UBE2O: variants seen among roughly 807,000 people sequenced by gnomAD.
UBE2O encodes (E3-independent) E2 ubiquitin-conjugating enzyme.
UBE2O carries 15 observed loss-of-function variants against 125.8 expected under a neutral mutation model. The observed-to-expected ratio is 0.12, with a 90% CI of 0.08 to 0.18. The LOEUF is 0.18. UBE2O is among the 10% of genes least tolerant of loss of function. UBE2O has a pLI of 1.00. For missense variants in UBE2O, 1,280 were observed against 1,723.6 expected, an observed-to-expected ratio of 0.74 and a Z score of 4.56; for synonymous variants, 708 against 703.2, an observed-to-expected ratio of 1.01 and a Z score of -0.11.
At chr17:76,408,733 C>T (rs1733701355) in intron 1 of UBE2O, among the ~76,000 whole-genome samples, 1 of 152,210 alleles carries the variant, frequency 6.6e-6, no homozygotes, top group South Asian at 2.1e-4. Flanking sequence ...GCCAGCCGGC[C>T]TGGCAGGTGA....
rs777847984 is a variant in UBE2O, at chr17:76,396,752, C to T, written c.2185G>A (p.Ala729Thr). 5.0e-6 allele frequency: 8 copies of T among 1,613,606 alleles called. No homozygotes were observed. The South Asian group carries it at 7.7e-5, about 16-fold the overall frequency. The change falls in exon 14 of 18, where the codon GCA becomes ACA. Residue 729 changes from alanine (A) to threonine (T), a missense_variant. Physicochemically the swap from Ala to Thr is moderately conservative, Grantham distance 58. Transcript: ENST00000319380. This position sits in a 1 kb window ranked among gnomAD's most constrained non-coding sequence, Gnocchi z 6.7. Reference protein sequence around the residue: ...YDSVEGSTSGASSDEWEDDSD... With the variant: ...YDSVEGSTSGTSSDEWEDDSD... The stretch of plus-strand genomic sequence containing the variant: ...TCATCTTCCCATTCATCCGAGGATG[C>T]CCCGCTGGTGCTGCCTTCTACCGAA...
At chr17:76,408,131 G>A (rs564918605) in intron 1 of UBE2O, among the ~76,000 whole-genome samples, 15 of 152,260 alleles carry the variant, frequency 9.9e-5, no homozygotes, top group South Asian at 2.1e-4. Flanking sequence ...TCCCATCTGT[G>A]AGCCACTCCA....
intron 1 of UBE2O, among the ~76,000 whole-genome samples, chr17:76,438,239 A>G (rs759786146): frequency 6.6e-6 from 1 of 152,180 alleles, no homozygotes; most frequent in Non-Finnish European, 1.5e-5. Flanking sequence ...GGAATGATGA[A>G]AAGTTCTGGG....
chr17:76,408,985 T>C (rs2072470655), intron 1 of UBE2O, among the ~76,000 whole-genome samples: 1 of 152,118 alleles, frequency 6.6e-6, no homozygotes, highest in Non-Finnish European at 1.5e-5. Flanking sequence ...TTTTTTTTTT[T>C]TGAGATGGAG....
intron 1 of UBE2O, among the ~76,000 whole-genome samples, chr17:76,417,168 G>T (rs1258947387): frequency 6.6e-6 from 1 of 152,238 alleles, no homozygotes; most frequent in Non-Finnish European, 1.5e-5. Flanking sequence ...ACCTCCTGGG[G>T]TCCTGATTTC....
chr17:76,397,407 G>A (rs2072232352), intron 13 of UBE2O, among the ~76,000 whole-genome samples: 2 of 152,236 alleles, frequency 1.3e-5, no homozygotes, highest in African/African-American at 4.8e-5. Flanking sequence ...GACCCAGCAG[G>A]TGGGGCTAGA....
intron 1 of UBE2O, among the ~76,000 whole-genome samples, chr17:76,439,867 C>T (rs770344162): frequency 1.3e-5 from 2 of 152,222 alleles, no homozygotes; most frequent in Non-Finnish European, 2.9e-5. Flanking sequence ...AGCATCTCAA[C>T]TGTGTCCTGC....
In UBE2O at chr17:76,398,523, A is replaced by T. The variant is rs772024268; in HGVS notation, c.1845T>A (p.Arg615=). The change falls in exon 11 of 18, where the codon CGT becomes CGA. Residue 615 remains arginine, a synonymous_variant. Transcript: ENST00000319380. This position sits in a 1 kb window ranked among gnomAD's most constrained non-coding sequence, Gnocchi z 5.4. Reference sequence around the variant, plus strand: ...GCTTGAACCACTTCACCATGCAGGTACGGCCGATGTGGTCCCCAGACTGTA... The same window carrying T: ...GCTTGAACCACTTCACCATGCAGGTTCGGCCGATGTGGTCCCCAGACTGTA... ...GVVQSGDHIG[R]TCMVKWFKLR... 1 of 1,614,088 alleles carries T rather than the reference A, an allele frequency of 6.2e-7. No individual in the cohort carries two copies. Among genetic ancestry groups the T allele is most frequent in the East Asian group, 2.2e-5 (1 of 44,860 alleles).
intron 1 of UBE2O, among the ~76,000 whole-genome samples, chr17:76,440,132 A>G (rs2073055328): frequency 6.6e-6 from 1 of 152,142 alleles, no homozygotes. Context: ...TGAGGGAAAA[A>G]AGCTGAGTAG....
rs1308063610 is a variant in UBE2O at position 76,444,940 on chromosome 17, GCGGTGACCACACACACAGTC to G, written c.417+7765_417+7784del. On this transcript the variant is annotated intron_variant, in intron 1 of 17. Coordinates refer to ENST00000319380, the MANE Select transcript of UBE2O (RefSeq NM_022066.4). ...GTGTCTACACTTCCCACCTGCACTA[GCGGTGACCACACACACAGTC>G]CGGTGACCACACACACAGTCCGCTG... Among the ~76,000 whole-genome samples the G allele has an allele frequency of 7.9e-5, 12 of 152,304 alleles. No homozygotes were observed. The South Asian group carries it at 1.0e-3, about 13-fold the overall frequency.
intron 1 of UBE2O, among the ~76,000 whole-genome samples, chr17:76,451,552 G>A (rs952901028): frequency 6.6e-6 from 1 of 152,108 alleles, no homozygotes; most frequent in Non-Finnish European, 1.5e-5. Flanking sequence ...TTCTCAAGCC[G>A]TTGTCACAGA....
In UBE2O at chr17:76,391,012, C is replaced by T; in HGVS notation, c.3810G>A (p.Arg1270=). The part of the protein sequence containing the change: ...PLSKGFIKSI[R]GVLTQFRAAL... ...CAGCCCGGAACTGCGTCAGGACACCCCGGATGCTCTTGATGAAACCCTTGG... is the reference window on the plus strand; with the variant it reads ...CAGCCCGGAACTGCGTCAGGACACCTCGGATGCTCTTGATGAAACCCTTGG... The change falls in exon 18 of 18, where the codon CGG becomes CGA. Residue 1270 remains arginine (R), a synonymous_variant. Coordinates refer to ENST00000319380, the MANE Select transcript of UBE2O (RefSeq NM_022066.4). The surrounding 1 kb of genome is among the most constrained non-coding windows in gnomAD (Gnocchi z 8.4). 2 of 1,613,878 alleles carry T rather than the reference C, an allele frequency of 1.2e-6. No homozygotes were observed. Among genetic ancestry groups the T allele is most frequent in the Non-Finnish European group, 1.7e-6 (2 of 1,180,008 alleles).
At position 76,400,951 on chromosome 17, in the gene UBE2O, G is replaced by A. The variant is rs1041134008; in HGVS notation, c.894+60C>T. ...AAGAGCAGGAAGGAAAGGGGCAGCA[G>A]CTCAGCTCCAGGGTGTGGAGGTCAA... is the stretch of plus-strand genomic sequence containing the variant. On this transcript the variant is annotated intron_variant, in intron 6 of 17. Coordinates refer to ENST00000319380, the MANE Select transcript of UBE2O (RefSeq NM_022066.4). The surrounding 1 kb of genome is among the most constrained non-coding windows in gnomAD (Gnocchi z 4.3). The A allele has an allele frequency of 2.5e-5, 40 of 1,590,538 alleles. 1 individual carries two copies. The African/African-American group carries it at 4.2e-4, about 17-fold the overall frequency.
rs750570774 is a variant in UBE2O, at chr17:76,392,119, T to TAGGG, written c.2947-10_2947-7dup. On this transcript the variant is annotated splice_region_variant and splice_polypyrimidine_tract_variant and intron_variant, in intron 15 of 17. Transcript: ENST00000319380. ...ATGAGAGCTGAGAAGAGGTCCTAGGTAGGGAGGGAGGGAGGGAGGCCAAGG... is the reference window on the plus strand; with the variant it reads ...ATGAGAGCTGAGAAGAGGTCCTAGGTAGGGAGGGAGGGAGGGAGGGAGGCCAAGG... The TAGGG allele has an allele frequency of 2.1e-5, 22 of 1,040,924 alleles. No individual in the cohort carries two copies. In the African/African-American group the frequency reaches 2.4e-4, roughly 11 times the overall value. 64.5% of individuals were successfully genotyped at this position (1,040,924 alleles called of 1,614,324 possible). A position where few individuals can be genotyped will look rare whatever the true frequency, so the allele number is the denominator to read the frequency against.
Position 76,398,901 on chromosome 17 carries a change from G to A in UBE2O, c.1719C>T (p.Leu573=). Residue 573 remains leucine (L), a synonymous_variant, in exon 10 of 18, where the codon CTC becomes CTT. Coordinates refer to ENST00000319380, the MANE Select transcript of UBE2O (RefSeq NM_022066.4). This position sits in a 1 kb window ranked among gnomAD's most constrained non-coding sequence, Gnocchi z 5.4. ...TGTTGTCCAGGTGGTGCACAGGGAA[G>A]AGGTCGTTGGAGCGGATGTTGCATT... The part of the protein sequence containing the change: ...SVECNIRSND[L]FPVHHLDNNE... 1 of 1,614,164 alleles carries A rather than the reference G, an allele frequency of 6.2e-7. No homozygotes were observed. Among genetic ancestry groups the A allele is most frequent in the Non-Finnish European group, 8.5e-7 (1 of 1,180,028 alleles).
rs2072409467 is a variant in UBE2O, at chr17:76,405,940, G to A, written c.418-368C>T. On this transcript the variant is annotated intron_variant, in intron 1 of 17. Coordinates refer to ENST00000319380, the MANE Select transcript of UBE2O (RefSeq NM_022066.4). The surrounding 1 kb of genome is among the most constrained non-coding windows in gnomAD (Gnocchi z 6.1). ...CTACAGAGAGCAAAACATTTGCTTT[G>A]CGTTCAATCTTTTTTCTGCCCTCTG... Among the ~76,000 whole-genome samples the A allele has an allele frequency of 6.6e-6, 1 of 152,234 alleles. No individual in the cohort carries two copies. The highest frequency in any genetic ancestry group is 1.5e-5 in the Non-Finnish European group (1 of 68,042).
Position 76,427,756 on chromosome 17 carries a change from T to C in UBE2O, c.418-22184A>G, listed in dbSNP as rs1307436714. On this transcript the variant is annotated intron_variant, in intron 1 of 17. Transcript: ENST00000319380. ...ATGTTTTCCACTGTTCACAGAAGAC[T>C]TCCTCCAACACAATCCAGAGTGTGG... Among the ~76,000 whole-genome samples, 3 of 152,228 alleles carry C rather than the reference T, an allele frequency of 2.0e-5. No individual in the cohort carries two copies. The East Asian group carries it at 5.8e-4, about 29-fold the overall frequency.
chr17:76,432,332 A>G (rs1242145065), intron 1 of UBE2O, among the ~76,000 whole-genome samples: 1 of 152,226 alleles, frequency 6.6e-6, no homozygotes, highest in Non-Finnish European at 1.5e-5. Flanking sequence ...AAGAAGTACT[A>G]TAATTGTACT....
At position 76,399,650 on chromosome 17, in the gene UBE2O, G is replaced by A. The variant is rs200340348; in HGVS notation, c.1427C>T (p.Ala476Val). Residue 476 changes from alanine (A) to valine (V), a missense_variant, in exon 9 of 18, where the codon GCA becomes GTA. Physicochemically the swap from Ala to Val is moderately conservative, Grantham distance 64 (BLOSUM62 0). Around this residue, in one of 10 missense-constraint regions of UBE2O, gnomAD observed 141 missense variants for 141.3 expected, o/e 1.00. Transcript: ENST00000319380. This position sits in a 1 kb window ranked among gnomAD's most constrained non-coding sequence, Gnocchi z 6.9. ...KEGRDDRLHS[A>V]EQDADDEAAD... ...AGCCTCATCATCTGCGTCCTGCTCT[G>A]CCGAGTGCAGCCTGTCATCTCTGCC... is the stretch of plus-strand genomic sequence containing the variant. The A allele has an allele frequency of 8.1e-6, 13 of 1,614,178 alleles. No individual in the cohort carries two copies. The East Asian group carries it at 2.5e-4, about 30-fold the overall frequency.
Sources: gnomAD v4.1 joint callset for allele counts (sites outside exome capture counted in the v4.1 genomes callset) on GRCh38, gnomAD v4.1.1 for gene constraint, gnomAD v4.1.1 regional missense constraint, Gnocchi (gnomAD v3.1) non-coding constraint, MANE v1.5 for transcripts, NCBI Gene and HGNC (gene_info 2026-07-23, HGNC 2026-07-21) for gene names.